The following ASXL3 variants were observed in gnomAD, a reference collection of about 807,000 sequenced individuals.
ASXL3 encodes ASXL transcriptional regulator 3.
Under a neutral mutation model 170.6 loss-of-function variants are expected in ASXL3, and 34 were observed. The observed-to-expected ratio is 0.20, with a 90% CI of 0.15 to 0.27. The LOEUF is 0.27. ASXL3 is among the 10% of genes least tolerant of loss of function. ASXL3 has a pLI of 1.00. For synonymous variants in ASXL3, 1,002 were observed against 989.1 expected (o/e 1.01, Z -0.24); for missense variants, 2,592 against 2,695.3 (o/e 0.96, Z 0.85).
intron 8 of ASXL3, among the ~76,000 whole-genome samples, chr18:33,696,682 A>T (rs2066778298): frequency 6.6e-6 from 1 of 152,022 alleles, no homozygotes; most frequent in Non-Finnish European, 1.5e-5. Context: ...GCACATCTCA[A>T]TATCATTCTT....
At chr18:33,707,014 C>T (rs375210827) in intron 8 of ASXL3, among the ~76,000 whole-genome samples, 13 of 151,794 alleles carry the variant, frequency 8.6e-5, no homozygotes, top group African/African-American at 2.4e-4. Context: ...TTCTTCCCCC[C>T]ACCCCCACAG....
chr18:33,685,485 A>G lies in ASXL3; in HGVS notation c.879+1917A>G, dbSNP rs369089658. 7.9e-5 allele frequency among the ~76,000 whole-genome samples: 12 copies of G among 152,298 alleles called. No homozygotes were observed. The South Asian group carries it at 1.0e-3, about 13-fold the overall frequency. The stretch of plus-strand genomic sequence containing the variant: ...ATCTGATTTATTAGCTTATACAACA[A>G]TTTCTTCCACTTCAACACAGGTGTA... On this transcript the variant is annotated intron_variant, in intron 8 of 11. Coordinates refer to ENST00000269197, the MANE Select transcript of ASXL3 (RefSeq NM_030632.3).
intron 2 of ASXL3, among the ~76,000 whole-genome samples, chr18:33,617,206 T>C (rs1233859884): frequency 6.6e-6 from 1 of 152,100 alleles, no homozygotes; most frequent in Non-Finnish European, 1.5e-5. Flanking sequence ...TATATTCAAA[T>C]ATTGACTGGG....
intron 1 of ASXL3, 161 bp downstream of exon 1, chr18:33,578,846 G>A (rs1440110033): frequency 8.6e-6 from 3 of 347,984 alleles, no homozygotes; most frequent in South Asian, 1.1e-4. Context: ...TCGCCCGGGG[G>A]CCCCTGTGTG....
intron 5 of ASXL3, among the ~76,000 whole-genome samples, chr18:33,670,203 A>G (rs1458266615): frequency 1.3e-5 from 2 of 152,214 alleles, no homozygotes; most frequent in African/African-American, 4.8e-5. Flanking sequence ...GTGCATCAAT[A>G]CTGTAGTCCT....
At chr18:33,678,659 A>G (rs1049643292) in intron 7 of ASXL3, among the ~76,000 whole-genome samples, 1 of 152,056 alleles carries the variant, frequency 6.6e-6, no homozygotes, top group African/African-American at 2.4e-5. Flanking sequence ...CCTACCTCAG[A>G]CCCTCTAGGC....
intron 8 of ASXL3, among the ~76,000 whole-genome samples, chr18:33,702,043 T>C (rs939103828): frequency 2.6e-5 from 4 of 152,146 alleles, no homozygotes; most frequent in African/African-American, 9.7e-5. Flanking sequence ...AGAATTTCCA[T>C]CTCACTTTTT....
intron 2 of ASXL3, among the ~76,000 whole-genome samples, chr18:33,634,285 A>G (rs191814640): frequency 2.0e-4 from 30 of 151,972 alleles, no homozygotes; most frequent in African/African-American, 6.0e-4. Flanking sequence ...CGTTCCAACA[A>G]ACAGTAGCTG....
At chr18:33,620,409 G>A (rs891781241) in intron 2 of ASXL3, among the ~76,000 whole-genome samples, 3 of 152,020 alleles carry the variant, frequency 2.0e-5, no homozygotes, top group Non-Finnish European at 4.4e-5. Flanking sequence ...GTTAGGATTA[G>A]CAAGGCTCAC....
rs2067709901 is a variant in ASXL3 at position 33,743,721 on chromosome 18, A to G, written c.3873A>G (p.Pro1291=). The G allele has an allele frequency of 6.2e-7, 1 of 1,613,798 alleles. No homozygotes were observed. ...AAACCATCCAGGGAACTGACACTCCATGCATAGCCATTATACCAAAATGTA... is the reference window on the plus strand; with the variant it reads ...AAACCATCCAGGGAACTGACACTCCGTGCATAGCCATTATACCAAAATGTA... ...MLKTIQGTDT[P]CIAIIPKCIE... is the part of the protein sequence containing the mutation. The change falls in exon 12 of 12, where the codon CCA becomes CCG. Residue 1291 remains proline, a synonymous_variant. Transcript: ENST00000269197.
At chr18:33,657,249 G>A (rs1231049375) in intron 4 of ASXL3, among the ~76,000 whole-genome samples, 1 of 152,086 alleles carries the variant, frequency 6.6e-6, no homozygotes, top group African/African-American at 2.4e-5. Flanking sequence ...ATTTGGAGGA[G>A]GGACAATCAG....
rs185594961 is a variant in ASXL3 at position 33,719,335 on chromosome 18, G to A, written c.880-12633G>A. On this transcript the variant is annotated intron_variant, in intron 8 of 11. Coordinates refer to ENST00000269197, the MANE Select transcript of ASXL3 (RefSeq NM_030632.3). ...GCCTCGGAGAGTCCTACCTCCACAC[G>A]CATGCACCTAGAATTTTCCCTTCTT... Among the ~76,000 whole-genome samples, 5 of 151,878 alleles carry A rather than the reference G, an allele frequency of 3.3e-5. No homozygotes were observed. The East Asian group carries it at 7.8e-4, about 24-fold the overall frequency.
intron 5 of ASXL3, among the ~76,000 whole-genome samples, chr18:33,665,112 T>C (rs2066236489): frequency 6.6e-6 from 1 of 152,146 alleles, no homozygotes; most frequent in South Asian, 2.1e-4. Flanking sequence ...TTCAGAAAGA[T>C]TAAATTTTGG....
rs572946000 is a variant in ASXL3, at chr18:33,596,669, T to G, written c.55-10925T>G. Among the ~76,000 whole-genome samples, 17 of 152,352 alleles carry G rather than the reference T, an allele frequency of 1.1e-4. No homozygotes were observed. In the South Asian group the frequency reaches 3.5e-3, roughly 32 times the overall value. On this transcript the variant is annotated intron_variant, in intron 1 of 11. Coordinates refer to ENST00000269197, the MANE Select transcript of ASXL3 (RefSeq NM_030632.3). The stretch of plus-strand genomic sequence containing the variant: ...CTCAGATTGAATGATGAGTAATGTT[T>G]GCTTTGGAAAAATTTCAGTCTTCCT...
rs2067811131 is a variant in ASXL3, at chr18:33,747,256, A to T, written c.*661A>T. On this transcript the variant is annotated 3_prime_UTR_variant, in exon 12 of 12. Coordinates refer to ENST00000269197, the MANE Select transcript of ASXL3 (RefSeq NM_030632.3). ...TCCTTGGATTTTGTACACATATTGTAGTGAAATGTGTCCTACATCTGAAAT... is the reference window on the plus strand; with the variant it reads ...TCCTTGGATTTTGTACACATATTGTTGTGAAATGTGTCCTACATCTGAAAT... 1 of 152,178 alleles carries T rather than the reference A, an allele frequency of 6.6e-6. No homozygotes were observed. The highest frequency in any genetic ancestry group is 6.5e-5 in the Admixed American group (1 of 15,278). The allele number at this position is 152,178 out of a possible 1,614,324, so 9.4% of individuals were successfully genotyped here.
At chr18:33,698,854 C>T (rs1392072225) in intron 8 of ASXL3, among the ~76,000 whole-genome samples, 1 of 152,064 alleles carries the variant, frequency 6.6e-6, no homozygotes, top group East Asian at 1.9e-4. Context: ...GTAGTTACTT[C>T]ATTTCACTTA....
chr18:33,750,258 C>T lies in ASXL3; in HGVS notation c.*3663C>T, dbSNP rs2067863740. The T allele has an allele frequency of 6.6e-6, 1 of 152,202 alleles. No individual in the cohort carries two copies. Among genetic ancestry groups the T allele is most frequent in the South Asian group, 2.1e-4 (1 of 4,826 alleles). 9.4% of individuals were successfully genotyped at this position (152,202 alleles called of 1,614,324 possible). ...ATGTTACTAAATATAAAATTCCTGT[C>T]GTCTTCAGTCTTCATGCTTTGTCAC... On this transcript the variant is annotated 3_prime_UTR_variant, in exon 12 of 12. Coordinates refer to ENST00000269197, the MANE Select transcript of ASXL3 (RefSeq NM_030632.3).
chr18:33,670,465 T>C (rs901213404), intron 5 of ASXL3, among the ~76,000 whole-genome samples: 1 of 152,182 alleles, frequency 6.6e-6, no homozygotes, highest in African/African-American at 2.4e-5. Flanking sequence ...GTCTCGGGCT[T>C]ATACCCTTTG....
intron 1 of ASXL3, among the ~76,000 whole-genome samples, chr18:33,580,044 C>T (rs1599365498): frequency 1.3e-5 from 2 of 152,306 alleles, no homozygotes; most frequent in African/African-American, 4.8e-5. Context: ...GAAGAAGTGA[C>T]AAAGTCCTTT....
Sources: gnomAD v4.1 joint callset for allele counts (sites outside exome capture counted in the v4.1 genomes callset) on GRCh38, gnomAD v4.1.1 for gene constraint, MANE v1.5 for transcripts, NCBI Gene and HGNC (gene_info 2026-07-23, HGNC 2026-07-21) for gene names.